The following WIF1 variants were observed in gnomAD, a reference collection of about 807,000 sequenced individuals.
WIF1 encodes the protein Wnt inhibitory factor 1.
WIF1 carries 35 observed loss-of-function variants against 53.5 expected under a neutral mutation model. That is an observed-to-expected ratio of 0.65 (90% CI 0.50 to 0.87). The LOEUF is 0.87. Ranked by LOEUF, WIF1 falls within the 40% of genes least tolerant of loss-of-function variation. The pLI, the probability that WIF1 is intolerant of heterozygous loss-of-function variation, is 0.00. For synonymous variants in WIF1, 171 were observed against 170.4 expected (o/e 1.00, Z -0.03); for missense variants, 467 against 476.8 (o/e 0.98, Z 0.19).
chr12:65,055,044 C>T lies in WIF1; in HGVS notation c.1018+74G>A, dbSNP rs922174406. ...AAGAAACCGAAGTGAAAAGGCTGGC[C>T]CTTCTTCTGGTCTCCCACTCACTTT... On this transcript the variant is annotated intron_variant, in intron 9 of 9. Transcript: ENST00000286574. 6.8e-6 allele frequency: 10 copies of T among 1,480,558 alleles called. No homozygotes were observed. The East Asian group carries it at 6.8e-5, about 10-fold the overall frequency. The allele number at this position is 1,480,558 out of a possible 1,614,324, so 91.7% of individuals were successfully genotyped here.
chr12:65,100,838 T>C (rs1266572001), intron 2 of WIF1, among the ~76,000 whole-genome samples: 1 of 151,936 alleles, frequency 6.6e-6, no homozygotes. Context: ...CTGGGCAACA[T>C]ACTGAGATCC....
intron 2 of WIF1, among the ~76,000 whole-genome samples, chr12:65,113,033 A>G (rs1041001779): frequency 6.6e-6 from 1 of 152,168 alleles, no homozygotes; most frequent in African/African-American, 2.4e-5. Context: ...GAGGGCAGGT[A>G]CTGGGTTTAT....
chr12:65,100,077 T>G (rs539963521), intron 2 of WIF1, among the ~76,000 whole-genome samples: 1 of 152,282 alleles, frequency 6.6e-6, no homozygotes, highest in African/African-American at 2.4e-5. Context: ...ACAAAGAAAC[T>G]CATAAAAATA....
At chr12:65,062,389 G>C in intron 7 of WIF1, 92 bp downstream of exon 7, 11 of 1,077,110 alleles carry the variant, frequency 1.0e-5, no homozygotes, top group Non-Finnish European at 1.5e-5. Flanking sequence ...CATTCTCTCT[G>C]GGCTTCCGAC....
In WIF1 at chr12:65,073,809, C is replaced by G. The variant is rs570048762; in HGVS notation, c.397+3937G>C. On this transcript the variant is annotated intron_variant, in intron 3 of 9. Coordinates refer to ENST00000286574, the MANE Select transcript of WIF1 (RefSeq NM_007191.5). Reference sequence around the variant, plus strand: ...GCTGCTCTGCAATGGTGTAAGGTTCCCATAAACTTCTTGCACCTGCATTTC... The same window carrying G: ...GCTGCTCTGCAATGGTGTAAGGTTCGCATAAACTTCTTGCACCTGCATTTC... Among the ~76,000 whole-genome samples the G allele has an allele frequency of 3.0e-4, 45 of 152,236 alleles. No individual in the cohort carries two copies. In the South Asian group the frequency reaches 5.8e-3, roughly 20 times the overall value.
In WIF1 at chr12:65,068,864, C is replaced by A. The variant is rs1280668898; in HGVS notation, c.438G>T (p.Gly146=). 6.2e-7 allele frequency: 1 copy of A among 1,613,434 alleles called. No individual in the cohort carries two copies. The highest frequency in any genetic ancestry group is 1.7e-5 in the Admixed American group (1 of 59,926). ...VGFPCLGKQD[G]VAAFEVDVIV... ...TCACATCCACTTCAAATGCTGCCAC[C>A]CCATCCTGTTTTCCAAGACATGGGA... The change falls in exon 4 of 10, where the codon GGG becomes GGT. Residue 146 remains glycine (G), a synonymous_variant. Coordinates refer to ENST00000286574, the MANE Select transcript of WIF1 (RefSeq NM_007191.5).
At chr12:65,064,885 G>A (rs1313545464) in intron 6 of WIF1, among the ~76,000 whole-genome samples, 1 of 152,122 alleles carries the variant, frequency 6.6e-6, no homozygotes, top group East Asian at 1.9e-4. Flanking sequence ...ATGGTCTCTT[G>A]TGAATACATG....
At chr12:65,075,446 T>C (rs906751797) in intron 3 of WIF1, among the ~76,000 whole-genome samples, 5 of 152,200 alleles carry the variant, frequency 3.3e-5, no homozygotes, top group African/African-American at 1.2e-4. Flanking sequence ...AGAGAGAGTA[T>C]GCCATCGATG....
chr12:65,114,250 C>T (rs543873899), intron 2 of WIF1, among the ~76,000 whole-genome samples: 1 of 151,938 alleles, frequency 6.6e-6, no homozygotes, highest in Non-Finnish European at 1.5e-5. Flanking sequence ...TAACTCCAGT[C>T]CAACGGGAAA....
At chr12:65,074,395 T>C (rs1318368937) in intron 3 of WIF1, among the ~76,000 whole-genome samples, 1 of 152,074 alleles carries the variant, frequency 6.6e-6, no homozygotes, top group East Asian at 1.9e-4. Context: ...CTTATATTCC[T>C]TTATTAATCA....
chr12:65,117,109 T>G (rs1368689681), intron 2 of WIF1, among the ~76,000 whole-genome samples: 1 of 152,140 alleles, frequency 6.6e-6, no homozygotes, highest in Non-Finnish European at 1.5e-5. Context: ...CTGCCACTAT[T>G]GCTGGACCCT....
At chr12:65,117,364 T>A (rs1661213537) in intron 2 of WIF1, among the ~76,000 whole-genome samples, 1 of 152,184 alleles carries the variant, frequency 6.6e-6, no homozygotes, top group Non-Finnish European at 1.5e-5. Context: ...TTTTAAAAGA[T>A]CTGACGAAGT....
At chr12:65,111,069 G>A (rs1393097853) in intron 2 of WIF1, among the ~76,000 whole-genome samples, 1 of 152,210 alleles carries the variant, frequency 6.6e-6, no homozygotes, top group East Asian at 1.9e-4. Flanking sequence ...AGGTGAGCCT[G>A]GGGTCAGGGG....
chr12:65,119,615 A>G (rs926028661), intron 2 of WIF1, among the ~76,000 whole-genome samples: 5 of 116,624 alleles, frequency 4.3e-5, no homozygotes, highest in African/African-American at 1.9e-4. Context: ...TGATTTTCAT[A>G]GTAGACACAT....
intron 2 of WIF1, among the ~76,000 whole-genome samples, chr12:65,106,881 G>A (rs140035242): frequency 7.2e-5 from 11 of 152,198 alleles, no homozygotes; most frequent in African/African-American, 2.2e-4. Context: ...GACTTCTGCC[G>A]AAATTTGAGC....
chr12:65,076,211 T>A (rs543684269), intron 3 of WIF1, among the ~76,000 whole-genome samples: 69 of 152,118 alleles, frequency 4.5e-4, no homozygotes, highest in Admixed American at 5.9e-4. Context: ...CTAATTTTTT[T>A]AATTTTTTGT....
intron 2 of WIF1, among the ~76,000 whole-genome samples, chr12:65,101,162 A>G (rs182901070): frequency 1.3e-5 from 2 of 152,356 alleles, no homozygotes; most frequent in Admixed American, 6.5e-5. Flanking sequence ...GAAATTAAGT[A>G]CTGCAAACTT....
At chr12:65,084,444 G>A (rs1177482624) in intron 2 of WIF1, among the ~76,000 whole-genome samples, 3 of 152,260 alleles carry the variant, frequency 2.0e-5, no homozygotes, top group Middle Eastern at 3.4e-3. Context: ...TCACTGGCCC[G>A]AGGTGATACC....
chr12:65,062,487 C>T lies in WIF1; in HGVS notation c.820G>A (p.Glu274Lys). The change falls in exon 7 of 10, where the codon GAA becomes AAA. Residue 274 changes from glutamate (E) to lysine (K), a missense_variant. Coordinates refer to ENST00000286574, the MANE Select transcript of WIF1 (RefSeq NM_007191.5). ...GCAGAAAGTCAATACTCACTGATTT[C>T]ACACTGCTCTCCCTCTAGTCCTGGA... is the stretch of plus-strand genomic sequence containing the variant. ...CPPGLEGEQCEISKCPQPCRN... is the reference protein window; with the variant it reads ...CPPGLEGEQCKISKCPQPCRN... 6.2e-7 allele frequency: 1 copy of T among 1,604,728 alleles called. No homozygotes were observed. Among genetic ancestry groups the T allele is most frequent in the South Asian group, 1.1e-5 (1 of 89,572 alleles).
Sources: gnomAD v4.1 joint callset for allele counts (sites outside exome capture counted in the v4.1 genomes callset) on GRCh38, gnomAD v4.1.1 for gene constraint, MANE v1.5 for transcripts, NCBI Gene and HGNC (gene_info 2026-07-23, HGNC 2026-07-21) for gene names.